Variants in CTNNA1 observed in about 807,000 individuals in gnomAD.
CTNNA1 encodes catenin alpha-1.
Under a neutral mutation model 98.4 loss-of-function variants are expected in CTNNA1, and 37 were observed. That is an observed-to-expected ratio of 0.38 (90% CI 0.29 to 0.49). The LOEUF (loss-of-function observed/expected upper bound fraction) is 0.49, where lower values mean the gene tolerates loss of function less well. Ranked by LOEUF, CTNNA1 falls within the 20% of genes least tolerant of loss-of-function variation. The pLI is 0.95. For synonymous variants in CTNNA1, 404 were observed against 413.2 expected (o/e 0.98, Z 0.27); for missense variants, 761 against 1,147.2 (o/e 0.66, Z 4.86).
intron 5 of CTNNA1, among the ~76,000 whole-genome samples, chr5:138,820,271 G>A (rs1002831800): frequency 1.3e-5 from 2 of 151,868 alleles, no homozygotes; most frequent in Non-Finnish European, 2.9e-5. Flanking sequence ...CTTAGCCTTG[G>A]GGATGAAGGG....
At chr5:138,878,306 CA>C (rs1471060481) in intron 7 of CTNNA1, among the ~76,000 whole-genome samples, 2 of 152,184 alleles carry the variant, frequency 1.3e-5, no homozygotes, top group Non-Finnish European at 1.5e-5. Context: ...TGGTAGAGTG[CA>C]GAGTTCCCAT....
At chr5:138,760,777 G>A (rs1752267077) in intron 1 of CTNNA1, among the ~76,000 whole-genome samples, 1 of 152,122 alleles carries the variant, frequency 6.6e-6, no homozygotes, top group African/African-American at 2.4e-5. Context: ...ATCATCACCT[G>A]TGGTACATCA....
chr5:138,756,526 A>T (rs1352292281), intron 1 of CTNNA1, among the ~76,000 whole-genome samples: 2 of 152,116 alleles, frequency 1.3e-5, no homozygotes, highest in Non-Finnish European at 2.9e-5. Context: ...TGTTGGGGGT[A>T]GTGTTGTGTG....
chr5:138,757,543 C>T (rs1003285822), intron 1 of CTNNA1, among the ~76,000 whole-genome samples: 1 of 152,146 alleles, frequency 6.6e-6, no homozygotes, highest in African/African-American at 2.4e-5. Context: ...TTCTACTCTC[C>T]CAACATAACC....
At chr5:138,849,651 A>G (rs1050997334) in intron 7 of CTNNA1, among the ~76,000 whole-genome samples, 1 of 152,228 alleles carries the variant, frequency 6.6e-6, no homozygotes, top group Non-Finnish European at 1.5e-5. Flanking sequence ...AACAGTTGCC[A>G]TCAGATGTTA....
intron 1 of CTNNA1, among the ~76,000 whole-genome samples, chr5:138,778,948 G>A (rs537903813): frequency 5.3e-5 from 8 of 151,934 alleles, no homozygotes; most frequent in South Asian, 2.1e-4. Flanking sequence ...GCATGATCTC[G>A]GCTCATTGCA....
chr5:138,802,229 A>G (rs1396899261), intron 3 of CTNNA1, among the ~76,000 whole-genome samples: 2 of 152,204 alleles, frequency 1.3e-5, no homozygotes, highest in Non-Finnish European at 1.5e-5. Context: ...AGTGTTTATA[A>G]TGTTTTAATT....
chr5:138,932,777 TC>T, intron 17 of CTNNA1, 65 bp downstream of exon 17: 1 of 1,585,482 alleles, frequency 6.3e-7, no homozygotes, highest in African/African-American at 1.3e-5. Context: ...GAAATGAAAG[TC>T]ACCTCCTATC....
intron 5 of CTNNA1, among the ~76,000 whole-genome samples, chr5:138,818,972 G>C (rs540200245): frequency 6.6e-6 from 1 of 152,328 alleles, no homozygotes; most frequent in South Asian, 2.1e-4. Context: ...CATAAAGCCA[G>C]GATCTGTGAC....
intron 5 of CTNNA1, among the ~76,000 whole-genome samples, chr5:138,823,696 G>T (rs1020612672): frequency 6.6e-6 from 1 of 152,076 alleles, no homozygotes; most frequent in Non-Finnish European, 1.5e-5. Context: ...GGTGGCTCAC[G>T]CCTGTAATCC....
intron 7 of CTNNA1, among the ~76,000 whole-genome samples, chr5:138,853,107 A>C (rs115633757): frequency 0.012 from 1,776 of 149,132 alleles, 29 homozygotes; most frequent in African/African-American, 0.041. Flanking sequence ...ATTTGTTTTA[A>C]TTTTGCTGAT....
chr5:138,873,226 C>G lies in CTNNA1; in HGVS notation c.1063-12986C>G. 1 of 1,613,800 alleles carries G rather than the reference C, an allele frequency of 6.2e-7. No homozygotes were observed. Among genetic ancestry groups the G allele is most frequent in the South Asian group, 1.1e-5 (1 of 91,056 alleles). On this transcript the variant is annotated intron_variant, in intron 7 of 17. Transcript: ENST00000302763. This position sits in a 1 kb window ranked among gnomAD's most constrained non-coding sequence, Gnocchi z 6.1. ...TTCTTAAAGTGGGAGGGCAGCACTT[C>G]CTGGAGATGAACACTATAAAAATAA...
chr5:138,929,224 G>C (rs757712253), intron 13 of CTNNA1, 22 bp from the exon 14 acceptor site: 108 of 1,337,218 alleles, frequency 8.1e-5, no homozygotes, highest in Non-Finnish European at 1.1e-4. Flanking sequence ...TGTCTGACCT[G>C]TGATCTTTGT....
chr5:138,791,397 T>A (rs947504941), intron 3 of CTNNA1, among the ~76,000 whole-genome samples: 3 of 151,930 alleles, frequency 2.0e-5, no homozygotes, highest in Non-Finnish European at 4.4e-5. Flanking sequence ...GGCGGGCAGA[T>A]CACGAGGTCA....
At position 138,769,810 on chromosome 5, in the gene CTNNA1, G is replaced by C. The variant is rs1169103225; in HGVS notation, c.-2-12113G>C. 3.9e-5 allele frequency among the ~76,000 whole-genome samples: 6 copies of C among 152,036 alleles called. No homozygotes were observed. The East Asian group carries it at 9.7e-4, about 25-fold the overall frequency. ...GGCCTCCCAAAGTGCTGGGATTACA[G>C]GTGTGAGCTACTGCACCCAGCCGCT... On this transcript the variant is annotated intron_variant, in intron 1 of 17. Coordinates refer to ENST00000302763, the MANE Select transcript of CTNNA1 (RefSeq NM_001903.5).
intron 9 of CTNNA1, among the ~76,000 whole-genome samples, chr5:138,898,227 A>G (rs527533910): frequency 7.8e-6 from 1 of 128,422 alleles, no homozygotes; most frequent in African/African-American, 3.0e-5. Flanking sequence ...TTTGCCTTGC[A>G]CCATGATTGG....
At chr5:138,814,670 T>C (rs1194771577) in intron 5 of CTNNA1, among the ~76,000 whole-genome samples, 1 of 152,262 alleles carries the variant, frequency 6.6e-6, no homozygotes, top group Non-Finnish European at 1.5e-5. Flanking sequence ...TTATGAAGAC[T>C]GACTGTTATT....
At chr5:138,907,623 G>C (rs2150160929) in intron 10 of CTNNA1, among the ~76,000 whole-genome samples, 1 of 152,314 alleles carries the variant, frequency 6.6e-6, no homozygotes, top group South Asian at 2.1e-4. Flanking sequence ...CCCTTCCAAG[G>C]TCTAGGCAAG....
intron 7 of CTNNA1, among the ~76,000 whole-genome samples, chr5:138,859,909 A>C (rs549479417): frequency 5.9e-5 from 9 of 152,316 alleles, no homozygotes; most frequent in Non-Finnish European, 1.0e-4. Context: ...CCCAGTCTCA[A>C]CAACTAAACA....
Sources: gnomAD v4.1 joint callset for allele counts (sites outside exome capture counted in the v4.1 genomes callset) on GRCh38, gnomAD v4.1.1 for gene constraint, Gnocchi (gnomAD v3.1) non-coding constraint, MANE v1.5 for transcripts, NCBI Gene and HGNC (gene_info 2026-07-23, HGNC 2026-07-21) for gene names.